Variants in LAMB3 observed in about 807,000 individuals in gnomAD.
LAMB3 encodes the protein laminin subunit beta-3.
In LAMB3, 104 loss-of-function variants were observed where a neutral mutation model predicts 140.3. That is an observed-to-expected ratio of 0.74 (90% CI 0.63 to 0.87). The LOEUF (loss-of-function observed/expected upper bound fraction) is 0.87. Ranked by LOEUF, LAMB3 falls within the 40% of genes least tolerant of loss-of-function variation. LAMB3 has a pLI of 0.00. For synonymous variants in LAMB3, 592 were observed against 602.9 expected (o/e 0.98, Z 0.26); for missense variants, 1,531 against 1,575.2 (o/e 0.97, Z 0.47).
At chr1:209,643,516 T>G (rs191836660) in intron 3 of LAMB3, among the ~76,000 whole-genome samples, 3 of 152,236 alleles carry the variant, frequency 2.0e-5, no homozygotes, top group Admixed American at 1.3e-4. Flanking sequence ...TTCTAGAAGC[T>G]CAGCAGTCTG....
At chr1:209,627,816 G>A (rs115456549) in intron 11 of LAMB3, among the ~76,000 whole-genome samples, 55 of 152,290 alleles carry the variant, frequency 3.6e-4, no homozygotes, top group African/African-American at 1.2e-3. Flanking sequence ...CTTCCAACTC[G>A]GACGTGTGCT....
intron 2 of LAMB3, among the ~76,000 whole-genome samples, chr1:209,650,716 C>A (rs1462866175): frequency 6.6e-6 from 1 of 152,192 alleles, no homozygotes; most frequent in East Asian, 1.9e-4. Flanking sequence ...GGGAGCCTTT[C>A]CAGAGTGGCA....
intron 6 of LAMB3, 74 bp downstream of exon 6, chr1:209,634,373 C>A: frequency 6.8e-7 from 1 of 1,469,878 alleles, no homozygotes; most frequent in Non-Finnish European, 9.5e-7. Context: ...TCTCAGGAGT[C>A]CGTGTGGCTG....
At position 209,627,596 on chromosome 1, in the gene LAMB3, G is replaced by C; in HGVS notation, c.1289-17C>G. Reference sequence around the variant, plus strand: ...AGTCACAGCCTGCAGGAGGAGAGCTGCTGAGCTCAGGCAGACGCTCCATGA... The same window carrying C: ...AGTCACAGCCTGCAGGAGGAGAGCTCCTGAGCTCAGGCAGACGCTCCATGA... On this transcript the variant is annotated splice_polypyrimidine_tract_variant and intron_variant, in intron 11 of 22. Coordinates refer to ENST00000356082, the MANE Select transcript of LAMB3 (RefSeq NM_000228.3). The C allele has an allele frequency of 6.2e-7, 1 of 1,612,680 alleles. No individual in the cohort carries two copies. Among genetic ancestry groups the C allele is most frequent in the South Asian group, 1.1e-5 (1 of 91,068 alleles).
At chr1:209,615,608 G>A (rs1486626883) in intron 22 of LAMB3, among the ~76,000 whole-genome samples, 1 of 152,138 alleles carries the variant, frequency 6.6e-6, no homozygotes, top group Non-Finnish European at 1.5e-5. Flanking sequence ...CCTGGCAGGG[G>A]CCAAACCCAG....
intron 1 of LAMB3, chr1:209,651,367 C>A: frequency 4.3e-6 from 1 of 232,324 alleles, no homozygotes; most frequent in Non-Finnish European, 8.8e-6. Flanking sequence ...GTTCCAGCCC[C>A]AAGAGAGAGG....
At chr1:209,616,646 C>T (rs1665980326) in intron 21 of LAMB3, 22 bp from the exon 22 acceptor site, 16 of 1,613,378 alleles carry the variant, frequency 9.9e-6, no homozygotes, top group Non-Finnish European at 1.4e-5. Flanking sequence ...AGAATAGTCT[C>T]AGTGTCATTG....
rs774488682 is a variant in LAMB3 at position 209,638,613 on chromosome 1, C to T, written c.219G>A (p.Gln73=). Reference sequence around the variant, plus strand: ...CTCGGTGACTGTAGTAGTTGTGAGGCTGCCTGGAGTCACACTTGCAGCATT... The same window carrying T: ...CTCGGTGACTGTAGTAGTTGTGAGGTTGCCTGGAGTCACACTTGCAGCATT... ...QMKCCKCDSR[Q]PHNYYSHRVE... The change falls in exon 4 of 23, where the codon CAG becomes CAA. Residue 73 remains glutamine, a synonymous_variant. Transcript: ENST00000356082. The T allele has an allele frequency of 1.2e-6, 2 of 1,613,926 alleles. No individual in the cohort carries two copies. Among genetic ancestry groups the T allele is most frequent in the South Asian group, 1.1e-5 (1 of 91,088 alleles).
intron 3 of LAMB3, among the ~76,000 whole-genome samples, chr1:209,646,316 C>T (rs2076517746): frequency 6.6e-6 from 1 of 152,204 alleles, no homozygotes; most frequent in Non-Finnish European, 1.5e-5. Flanking sequence ...CTCAGGGTCA[C>T]ACACAGCCCA....
At chr1:209,620,331 C>T (rs1287235334) in intron 18 of LAMB3, among the ~76,000 whole-genome samples, 1 of 152,144 alleles carries the variant, frequency 6.6e-6, no homozygotes, top group Non-Finnish European at 1.5e-5. Flanking sequence ...AACACAGGTG[C>T]TATGATGGCC....
chr1:209,621,175 C>G (rs1666176918), intron 18 of LAMB3, among the ~76,000 whole-genome samples: 5 of 152,206 alleles, frequency 3.3e-5, no homozygotes, highest in Admixed American at 3.3e-4. Flanking sequence ...CCACTGAGGC[C>G]AGAGCCCTGG....
At chr1:209,626,510 C>A (rs11589335) in intron 13 of LAMB3, among the ~76,000 whole-genome samples, 1 of 152,222 alleles carries the variant, frequency 6.6e-6, no homozygotes, top group Admixed American at 6.5e-5. Flanking sequence ...GAAACGACAC[C>A]CTTTCCCCTT....
At chr1:209,629,187 G>A (rs1283130992) in intron 10 of LAMB3, among the ~76,000 whole-genome samples, 1 of 152,150 alleles carries the variant, frequency 6.6e-6, no homozygotes, top group African/African-American at 2.4e-5. Context: ...TGGCTCTTGT[G>A]TGCATGTTAA....
chr1:209,623,416 C>G lies in LAMB3; in HGVS notation c.2358+89G>C. On this transcript the variant is annotated intron_variant, in intron 16 of 22. Transcript: ENST00000356082. The surrounding 1 kb of genome is among the most constrained non-coding windows in gnomAD (Gnocchi z 4.2). ...GAGTGGGGTTCTCACAGGGGCAGATCTGCCCTAATAGGAAGCAGGTGGCAG... is the reference window on the plus strand; with the variant it reads ...GAGTGGGGTTCTCACAGGGGCAGATGTGCCCTAATAGGAAGCAGGTGGCAG... 7.6e-7 allele frequency: 1 copy of G among 1,324,448 alleles called. No homozygotes were observed. Among genetic ancestry groups the G allele is most frequent in the Non-Finnish European group, 1.1e-6 (1 of 918,382 alleles). 82.0% of individuals were successfully genotyped at this position (1,324,448 alleles called of 1,614,324 possible).
At chr1:209,634,356 C>T (rs1666812197) in intron 6 of LAMB3, 91 bp downstream of exon 6, 8 of 1,355,436 alleles carry the variant, frequency 5.9e-6, no homozygotes, top group Admixed American at 5.1e-5. Flanking sequence ...AGGGTGTTTC[C>T]GTCCCTTCTC....
chr1:209,637,604 C>T (rs187433941), intron 5 of LAMB3, among the ~76,000 whole-genome samples: 1 of 152,244 alleles, frequency 6.6e-6, no homozygotes, highest in East Asian at 1.9e-4. Flanking sequence ...ACCAAGAATA[C>T]ACAACTGTAC....
chr1:209,634,587 T>C lies in LAMB3; in HGVS notation c.424A>G (p.Thr142Ala). The C allele has an allele frequency of 2.5e-6, 4 of 1,613,942 alleles. No homozygotes were observed. Among genetic ancestry groups the C allele is most frequent in the Non-Finnish European group, 3.4e-6 (4 of 1,179,974 alleles). The change falls in exon 6 of 23, where the codon ACC becomes GCC. Residue 142 changes from threonine to alanine, a missense_variant. Physicochemically the swap from Thr to Ala is moderately conservative, Grantham distance 58. Transcript: ENST00000356082. The part of the protein sequence containing the change: ...LIERSSDFGK[T>A]WRVYQYLAAD... ...GCCAGGTACTGGTACACTCGCCAGG[T>C]CTTACCGAAGTCTGAGGAGCGCTCA...
chr1:209,631,355 T>C (rs1215993707), intron 8 of LAMB3, among the ~76,000 whole-genome samples: 3 of 152,172 alleles, frequency 2.0e-5, no homozygotes, highest in Non-Finnish European at 4.4e-5. Context: ...AGCCCTACTT[T>C]CTCCACCTTT....
chr1:209,628,332 C>T (rs1666553839), intron 10 of LAMB3, 142 bp from the exon 11 acceptor site: 2 of 880,710 alleles, frequency 2.3e-6, no homozygotes, highest in Non-Finnish European at 3.6e-6. Flanking sequence ...TACTTAATCC[C>T]TCTGTGCCTC....
Sources: gnomAD v4.1 joint callset for allele counts (sites outside exome capture counted in the v4.1 genomes callset) on GRCh38, gnomAD v4.1.1 for gene constraint, Gnocchi (gnomAD v3.1) non-coding constraint, MANE v1.5 for transcripts, NCBI Gene and HGNC (gene_info 2026-07-23, HGNC 2026-07-21) for gene names.